The following RIMS1 variants were observed in gnomAD, a reference collection of about 807,000 sequenced individuals.
RIMS1 encodes regulating synaptic membrane exocytosis 1.
RIMS1 carries 83 observed loss-of-function variants against 214.1 expected under a neutral mutation model. That is an observed-to-expected ratio of 0.39 (90% CI 0.32 to 0.47). The LOEUF (loss-of-function observed/expected upper bound fraction) is 0.47. Among genes scored for constraint, RIMS1 ranks in the 20% least tolerant of loss-of-function variants. The pLI is 0.99. For missense variants in RIMS1, 2,050 were observed against 2,161.8 expected, an observed-to-expected ratio of 0.95 and a Z score of 1.03; for synonymous variants, 793 against 786.8, an observed-to-expected ratio of 1.01 and a Z score of -0.13.
Position 71,920,015 on chromosome 6 carries a change from A to C in RIMS1, c.164+32828A>C, listed in dbSNP as rs1891697. 9.3e-3 allele frequency among the ~76,000 whole-genome samples: 1,414 copies of C among 152,318 alleles called. 7 individuals are homozygous for C. The highest frequency in any genetic ancestry group is 0.015 in the Non-Finnish European group (996 of 68,016). On this transcript the variant is annotated intron_variant, in intron 1 of 33. Transcript: ENST00000521978. ...GCCACCAGGGGAAGAAACAGACAAT[A>C]AAAACACCATAAACATGAGAATATA...
At chr6:71,930,669 G>C (rs1184937134) in intron 1 of RIMS1, among the ~76,000 whole-genome samples, 2 of 151,930 alleles carry the variant, frequency 1.3e-5, no homozygotes, top group Admixed American at 1.3e-4. Context: ...TGTCCCCTAT[G>C]ATTTCCCTTG....
intron 22 of RIMS1, 37 bp downstream of exon 22, chr6:72,266,086 G>A (rs1377084227): frequency 1.4e-6 from 2 of 1,418,300 alleles, no homozygotes; most frequent in South Asian, 1.2e-5. Context: ...CTTATCATTT[G>A]TACTAGTGAT....
chr6:72,317,240 G>A, intron 28 of RIMS1: 1 of 293,752 alleles, frequency 3.4e-6, no homozygotes, highest in Non-Finnish European at 6.7e-6. Context: ...GCATCTCGCA[G>A]CAAGTAGGGC....
In RIMS1 at chr6:71,887,144, G is replaced by T. The variant is rs1344662137; in HGVS notation, c.121G>T (p.Asp41Tyr). 3 of 1,612,968 alleles carry T rather than the reference G, an allele frequency of 1.9e-6. No individual in the cohort carries two copies. In the African/African-American group the frequency reaches 4.0e-5, roughly 21 times the overall value. ...EERNIIMAVMDRQKEEEEKEE... is the reference protein window; with the variant it reads ...EERNIIMAVMYRQKEEEEKEE... The stretch of plus-strand genomic sequence containing the variant: ...GAGGAACATTATCATGGCAGTGATG[G>T]ACCGGCAGAAGGAAGAGGAGGAAAA... The change falls in exon 1 of 34, where the codon GAC becomes TAC. Residue 41 changes from aspartate (D) to tyrosine (Y), a missense_variant. By Grantham distance (160) the Asp-to-Tyr change is radical. Coordinates refer to ENST00000521978, the MANE Select transcript of RIMS1 (RefSeq NM_014989.7).
rs116412829 is a variant in RIMS1 at position 72,246,530 on chromosome 6, C to T, written c.2128+669C>T. The stretch of plus-strand genomic sequence containing the variant: ...TTAAGTTAATACTTGGGCTTGATTC[C>T]CCAGGTGTTCTTACAGAACCCAAGT... On this transcript the variant is annotated intron_variant, in intron 11 of 33. Coordinates refer to ENST00000521978, the MANE Select transcript of RIMS1 (RefSeq NM_014989.7). Among the ~76,000 whole-genome samples the T allele has an allele frequency of 2.9e-3, 434 of 152,042 alleles. 3 individuals carry two copies. Among genetic ancestry groups the T allele is most frequent in the African/African-American group, 0.01 (420 of 41,464 alleles).
intron 1 of RIMS1, among the ~76,000 whole-genome samples, chr6:71,924,630 C>CAAAAAAAAAAAAAAAAAAAAA (rs1250868988): frequency 2.6e-5 from 2 of 76,230 alleles, no homozygotes; most frequent in African/African-American, 1.1e-4. Context: ...CCCATCTCTG[C>CAAAAAAAAAAAAAAAAAAAAA]AAAAAAAAAA....
intron 4 of RIMS1, among the ~76,000 whole-genome samples, chr6:72,171,981 A>G (rs1018644092): frequency 6.6e-6 from 1 of 152,212 alleles, no homozygotes; most frequent in African/African-American, 2.4e-5. Context: ...AGAATAATAG[A>G]ATAGATGATA....
chr6:72,068,497 G>A (rs1829840894), intron 2 of RIMS1, among the ~76,000 whole-genome samples: 1 of 152,170 alleles, frequency 6.6e-6, no homozygotes, highest in Non-Finnish European at 1.5e-5. Flanking sequence ...CAATAAAGCT[G>A]GGAGAAGTGG....
intron 2 of RIMS1, among the ~76,000 whole-genome samples, chr6:72,007,011 C>A (rs893808518): frequency 6.6e-6 from 1 of 152,162 alleles, no homozygotes; most frequent in Non-Finnish European, 1.5e-5. Flanking sequence ...GATCTGAGAA[C>A]GGACAGACTG....
intron 2 of RIMS1, among the ~76,000 whole-genome samples, chr6:71,999,421 A>G (rs1415105916): frequency 6.6e-6 from 1 of 152,154 alleles, no homozygotes; most frequent in Non-Finnish European, 1.5e-5. Flanking sequence ...GGATGAACAA[A>G]AAAATACACA....
At chr6:72,249,953 C>T (rs182212047) in intron 12 of RIMS1, among the ~76,000 whole-genome samples, 28 of 151,986 alleles carry the variant, frequency 1.8e-4, no homozygotes, top group African/African-American at 5.3e-4. Flanking sequence ...CATTTAGTCA[C>T]GCTATAATAA....
At chr6:71,922,479 G>A (rs974345579) in intron 1 of RIMS1, among the ~76,000 whole-genome samples, 1 of 152,174 alleles carries the variant, frequency 6.6e-6, no homozygotes, top group African/African-American at 2.4e-5. Flanking sequence ...GGTTTAGGCT[G>A]CAGTGAGACA....
chr6:71,916,854 G>C (rs1778586837), intron 1 of RIMS1, among the ~76,000 whole-genome samples: 1 of 152,060 alleles, frequency 6.6e-6, no homozygotes, highest in Admixed American at 6.6e-5. Flanking sequence ...GATGGGAAGT[G>C]GGACAACCAG....
At chr6:72,321,444 A>T (rs1295012194) in intron 28 of RIMS1, among the ~76,000 whole-genome samples, 1 of 152,128 alleles carries the variant, frequency 6.6e-6, no homozygotes, top group African/African-American at 2.4e-5. Flanking sequence ...GAGCAGATGT[A>T]TTCTTAACTG....
chr6:72,148,547 C>A (rs1342233308), intron 4 of RIMS1: 5 of 456,284 alleles, frequency 1.1e-5, no homozygotes, highest in African/African-American at 2.0e-5. Flanking sequence ...CCTATACTCC[C>A]TGCTGTCAGT....
At chr6:72,164,389 C>T (rs905249365) in intron 4 of RIMS1, among the ~76,000 whole-genome samples, 1 of 152,088 alleles carries the variant, frequency 6.6e-6, no homozygotes, top group African/African-American at 2.4e-5. Flanking sequence ...GTGCACTGCA[C>T]CCACTGTCCT....
chr6:71,980,358 A>G (rs1034540969), intron 2 of RIMS1, among the ~76,000 whole-genome samples: 1 of 152,174 alleles, frequency 6.6e-6, no homozygotes, highest in Non-Finnish European at 1.5e-5. Flanking sequence ...TGAATAAATG[A>G]ATGCACTCAT....
chr6:72,012,167 C>T (rs937740200), intron 2 of RIMS1, among the ~76,000 whole-genome samples: 5 of 152,134 alleles, frequency 3.3e-5, no homozygotes, highest in African/African-American at 9.7e-5. Flanking sequence ...CTGATGAGTT[C>T]GTGTCCTTTG....
At chr6:72,151,201 C>T (rs574883305) in intron 4 of RIMS1, among the ~76,000 whole-genome samples, 208 of 152,234 alleles carry the variant, frequency 1.4e-3, no homozygotes, top group African/African-American at 4.8e-3. Context: ...CGCCACCATG[C>T]CTGGCTAATT....
Sources: allele counts gnomAD v4.1 joint callset (sites outside exome capture counted in the v4.1 genomes callset), GRCh38; gene constraint gnomAD v4.1.1; transcripts MANE v1.5; gene names NCBI Gene and HGNC (gene_info 2026-07-23, HGNC 2026-07-21).